COLGALT2: variants seen among roughly 807,000 people sequenced by gnomAD.
COLGALT2 encodes the protein procollagen galactosyltransferase 2.
Under a neutral mutation model 73.4 loss-of-function variants are expected in COLGALT2, and 49 were observed. The ratio of observed to expected loss-of-function variants is 0.67; its 90% CI spans 0.53 to 0.85. The LOEUF is 0.85. COLGALT2 is among the 40% of genes least tolerant of loss of function. The pLI, the probability that COLGALT2 is intolerant of heterozygous loss-of-function variation, is 0.00. For synonymous variants in COLGALT2, 295 were observed against 307.6 expected (o/e 0.96, Z 0.43); for missense variants, 722 against 790.2 (o/e 0.91, Z 1.03).
chr1:183,983,596 GGCAGCAACA>G (rs1671411317), intron 1 of COLGALT2, among the ~76,000 whole-genome samples: 1 of 152,166 alleles, frequency 6.6e-6, no homozygotes, highest in Non-Finnish European at 1.5e-5. Flanking sequence ...TGTAGCACAA[GGCAGCAACA>G]GCGCAGTGCT....
Position 183,936,309 on chromosome 1 carries a change from T to A in COLGALT2, c.*2452A>T, listed in dbSNP as rs953110080. On this transcript the variant is annotated 3_prime_UTR_variant, in exon 12 of 12. Transcript: ENST00000361927. Reference sequence around the variant, plus strand: ...ACCTCTGGATTGCTGAAGAGATGACTTTAAAAAAAAAGTCACATCTGCGGC... The same window carrying A: ...ACCTCTGGATTGCTGAAGAGATGACATTAAAAAAAAAGTCACATCTGCGGC... 7 of 985,020 alleles carry A rather than the reference T, an allele frequency of 7.1e-6. No individual in the cohort carries two copies. Among genetic ancestry groups the A allele is most frequent in the Non-Finnish European group, 7.2e-6 (6 of 829,674 alleles). The allele number at this position is 985,020 out of a possible 1,614,324, so 61.0% of individuals were successfully genotyped here. A position where few individuals can be genotyped will look rare whatever the true frequency, so the allele number is the denominator to read the frequency against.
chr1:183,948,474 A>G (rs542915156), intron 8 of COLGALT2, among the ~76,000 whole-genome samples: 1 of 152,342 alleles, frequency 6.6e-6, no homozygotes, highest in African/African-American at 2.4e-5. Flanking sequence ...CAAAAGTCAC[A>G]TGTTCATCTT....
chr1:184,004,508 T>C (rs1255332654), intron 1 of COLGALT2, among the ~76,000 whole-genome samples: 1 of 152,220 alleles, frequency 6.6e-6, no homozygotes, highest in South Asian at 2.1e-4. Flanking sequence ...TTCATTTAAT[T>C]TTAAACAACC....
downstream of COLGALT2, among the ~76,000 whole-genome samples, chr1:183,935,169 A>C (rs191925810): frequency 5.9e-4 from 90 of 152,258 alleles, 1 homozygote; most frequent in African/African-American, 2.0e-3. Flanking sequence ...AACCCAACCC[A>C]AATGTCACCT....
At chr1:183,951,737 G>A (rs535208068) in intron 7 of COLGALT2, among the ~76,000 whole-genome samples, 1 of 152,170 alleles carries the variant, frequency 6.6e-6, no homozygotes, top group South Asian at 2.1e-4. Context: ...TTCATAGATT[G>A]GAATAATTAA....
intron 2 of COLGALT2, among the ~76,000 whole-genome samples, chr1:183,977,839 A>AGAGAGAGAGAGAGAGAGAG (rs59696449): frequency 6.8e-6 from 1 of 147,148 alleles, no homozygotes; most frequent in African/African-American, 2.6e-5. Context: ...AGAGAGAAAG[A>AGAGAGAGAGAGAGAGAGAG]AGAGAAGAGA....
intron 1 of COLGALT2, among the ~76,000 whole-genome samples, chr1:184,031,968 C>T (rs1433718496): frequency 6.6e-6 from 1 of 151,490 alleles, no homozygotes; most frequent in Non-Finnish European, 1.5e-5. Context: ...TCAATCTCGG[C>T]TTGCTGCAAC....
At chr1:183,983,713 G>T (rs928129618) in intron 1 of COLGALT2, among the ~76,000 whole-genome samples, 1 of 152,202 alleles carries the variant, frequency 6.6e-6, no homozygotes, top group Admixed American at 6.5e-5. Context: ...CCCAGAATGT[G>T]TGAGGCCCCT....
intron 1 of COLGALT2, among the ~76,000 whole-genome samples, chr1:184,010,039 A>T (rs6696380): frequency 0.063 from 9,569 of 152,178 alleles, 1,060 homozygotes; most frequent in African/African-American, 0.22. Context: ...TCACTTCATC[A>T]AGGGGGAGGA....
In COLGALT2 at chr1:184,037,107, C is replaced by T. The variant is rs1350227636; in HGVS notation, c.251G>A (p.Arg84Lys). The change falls in exon 1 of 12, where the codon AGG becomes AAG. Residue 84 changes from arginine (R) to lysine (K), a missense_variant. By Grantham distance (26) the Arg-to-Lys change is conservative (BLOSUM62 2). Coordinates refer to ENST00000361927, the MANE Select transcript of COLGALT2 (RefSeq NM_015101.4). ...CLERLDYPKS[R>K]MAIWAATDHN... is the part of the protein sequence containing the mutation. ...CGTGCGCGCTCACCAGATGGCCATCCTGCTCTTGGGGTAGTCCAGCCGCTC... is the reference window on the plus strand; with the variant it reads ...CGTGCGCGCTCACCAGATGGCCATCTTGCTCTTGGGGTAGTCCAGCCGCTC... The T allele has an allele frequency of 1.9e-6, 3 of 1,583,218 alleles. No homozygotes were observed. The highest frequency in any genetic ancestry group is 1.7e-6 in the Non-Finnish European group (2 of 1,167,954).
chr1:183,955,451 G>A (rs918897635), intron 6 of COLGALT2, among the ~76,000 whole-genome samples: 3 of 152,202 alleles, frequency 2.0e-5, no homozygotes, highest in African/African-American at 4.8e-5. Flanking sequence ...AGGTTTAGGT[G>A]TGGGTGCGCA....
chr1:184,031,892 C>A (rs921422066), intron 1 of COLGALT2, among the ~76,000 whole-genome samples: 3 of 146,276 alleles, frequency 2.1e-5, no homozygotes, highest in African/African-American at 7.7e-5. Context: ...CCTTCCCTTA[C>A]CTTTTCCTTT....
In COLGALT2 at chr1:183,948,370, A is replaced by G. The variant is rs114611161; in HGVS notation, c.1136+2637T>C. 6.0e-4 allele frequency among the ~76,000 whole-genome samples: 91 copies of G among 152,340 alleles called. 1 individual carries two copies. Among genetic ancestry groups the G allele is most frequent in the Non-Finnish European group, 1.1e-3 (75 of 68,012 alleles). On this transcript the variant is annotated intron_variant, in intron 8 of 11. Coordinates refer to ENST00000361927, the MANE Select transcript of COLGALT2 (RefSeq NM_015101.4). ...TCCAGCAATTTATAAAAGGAATTAT[A>G]CAGCATGACCAAATGGGTCCCAGGA...
intron 8 of COLGALT2, among the ~76,000 whole-genome samples, chr1:183,948,134 C>T (rs2102793715): frequency 1.3e-5 from 2 of 152,128 alleles, no homozygotes; most frequent in Middle Eastern, 6.8e-3. Flanking sequence ...CAGATGGCTT[C>T]ACTAGGGGTT....
intron 8 of COLGALT2, among the ~76,000 whole-genome samples, chr1:183,948,404 G>C (rs1435594029): frequency 6.6e-6 from 1 of 152,148 alleles, no homozygotes; most frequent in Non-Finnish European, 1.5e-5. Flanking sequence ...GATTATCCCA[G>C]GGTTGCAAGT....
chr1:184,022,535 G>A (rs962589503), intron 1 of COLGALT2, among the ~76,000 whole-genome samples: 2 of 152,142 alleles, frequency 1.3e-5, no homozygotes, highest in Non-Finnish European at 2.9e-5. Context: ...ATCAATTCAG[G>A]AGAAATTATT....
chr1:183,985,004 A>G (rs79635402), intron 1 of COLGALT2, among the ~76,000 whole-genome samples: 3 of 100,644 alleles, frequency 3.0e-5, no homozygotes, highest in Admixed American at 1.2e-4. Context: ...TTGGCTGTGG[A>G]AAAAAAAATT....
chr1:183,963,442 G>A (rs1444784271), intron 6 of COLGALT2, among the ~76,000 whole-genome samples: 1 of 152,112 alleles, frequency 6.6e-6, no homozygotes, highest in East Asian at 1.9e-4. Flanking sequence ...GTTACATCAT[G>A]AGCTATTATT....
At position 183,938,473 on chromosome 1, in the gene COLGALT2, A is replaced by G; in HGVS notation, c.*288T>C. On this transcript the variant is annotated 3_prime_UTR_variant, in exon 12 of 12. Transcript: ENST00000361927. ...GTTCAACCTTAATGTGGGAATCAGT[A>G]TCACATGAGTAGTGAACTGAAGAAT... is the stretch of plus-strand genomic sequence containing the variant. 1 of 1,246,274 alleles carries G rather than the reference A, an allele frequency of 8.0e-7. No individual in the cohort carries two copies. Among genetic ancestry groups the G allele is most frequent in the Non-Finnish European group, 1.0e-6 (1 of 988,196 alleles). 77.2% of individuals were successfully genotyped at this position (1,246,274 alleles called of 1,614,324 possible).
Sources: allele counts gnomAD v4.1 joint callset (sites outside exome capture counted in the v4.1 genomes callset), GRCh38; gene constraint gnomAD v4.1.1; transcripts MANE v1.5; gene names NCBI Gene and HGNC (gene_info 2026-07-23, HGNC 2026-07-21).